The following EYS variants were observed in gnomAD, a reference collection of about 807,000 sequenced individuals.
The protein encoded by EYS is protein eyes shut homolog.
In EYS, 250 loss-of-function variants were observed where a neutral mutation model predicts 282.1. The observed-to-expected ratio is 0.89, with a 90% CI of 0.80 to 0.98. EYS has a LOEUF of 0.98. EYS is among the 50% of genes least tolerant of loss of function. EYS has a pLI of 0.00. For synonymous variants in EYS, 1,355 were observed against 1,282.9 expected, an observed-to-expected ratio of 1.06 and a Z score of -1.20; for missense variants, 4,016 against 3,709.0, an observed-to-expected ratio of 1.08 and a Z score of -2.15.
chr6:65,623,302 GA>G (rs1205268954), intron 2 of EYS, among the ~76,000 whole-genome samples: 1 of 152,096 alleles, frequency 6.6e-6, no homozygotes, highest in Non-Finnish European at 1.5e-5. Flanking sequence ...GAACTAACAT[GA>G]AAAACATTTT....
chr6:65,638,232 C>A (rs925957802), intron 2 of EYS, among the ~76,000 whole-genome samples: 5 of 152,148 alleles, frequency 3.3e-5, no homozygotes, highest in Admixed American at 1.3e-4. Flanking sequence ...CAGAAAGGAG[C>A]GATCCACTAG....
intron 31 of EYS, among the ~76,000 whole-genome samples, chr6:64,096,756 A>G (rs1772632450): frequency 6.6e-6 from 1 of 152,180 alleles, no homozygotes; most frequent in African/African-American, 2.4e-5. Flanking sequence ...TCAATTCGTC[A>G]AAGTCATTCT....
intron 22 of EYS, among the ~76,000 whole-genome samples, chr6:64,755,878 A>C (rs1198557935): frequency 6.6e-6 from 1 of 152,114 alleles, no homozygotes; most frequent in African/African-American, 2.4e-5. Flanking sequence ...TGCACTTGTA[A>C]CCCTTAAATC....
chr6:64,688,023 T>C (rs1160286357), intron 22 of EYS, among the ~76,000 whole-genome samples: 3 of 152,186 alleles, frequency 2.0e-5, no homozygotes, highest in African/African-American at 4.8e-5. Context: ...GAGGTGTTTA[T>C]AGTATTCTCT....
chr6:65,087,011 T>C (rs1033125159), intron 12 of EYS, among the ~76,000 whole-genome samples: 1 of 152,006 alleles, frequency 6.6e-6, no homozygotes, highest in African/African-American at 2.4e-5. Flanking sequence ...TTAGTAGATA[T>C]GGGGTTTCAC....
At chr6:63,987,928 G>A (rs1482455) in intron 34 of EYS, among the ~76,000 whole-genome samples, 57,312 of 151,250 alleles carry the variant, frequency 0.38, 11,145 homozygotes, top group African/African-American at 0.46. Flanking sequence ...TCCATGACCC[G>A]TAACAGGTCA....
chr6:64,739,506 A>G (rs1772296253), intron 22 of EYS, among the ~76,000 whole-genome samples: 1 of 152,184 alleles, frequency 6.6e-6, no homozygotes, highest in South Asian at 2.1e-4. Flanking sequence ...TTATTACCAG[A>G]AAGATCTGTT....
chr6:65,029,368 C>A (rs897493214), intron 13 of EYS, among the ~76,000 whole-genome samples: 1 of 152,036 alleles, frequency 6.6e-6, no homozygotes, highest in Admixed American at 6.6e-5. Context: ...GATATACATA[C>A]ATTTATATGC....
chr6:64,411,228 TTA>T (rs1332454804), intron 28 of EYS, among the ~76,000 whole-genome samples: 8 of 152,080 alleles, frequency 5.3e-5, no homozygotes, highest in Admixed American at 2.0e-4. Flanking sequence ...ATGGTTTATA[TTA>T]GAAGTTAGAG....
At chr6:64,920,188 C>T (rs1166665602) in intron 15 of EYS, among the ~76,000 whole-genome samples, 1 of 151,638 alleles carries the variant, frequency 6.6e-6, no homozygotes, top group Non-Finnish European at 1.5e-5. Flanking sequence ...AGCCCTAAGA[C>T]ATTTATGTTG....
intron 31 of EYS, among the ~76,000 whole-genome samples, chr6:64,096,686 A>G (rs563433760): frequency 1.3e-5 from 2 of 152,080 alleles, no homozygotes; most frequent in Non-Finnish European, 2.9e-5. Context: ...CTTCTTTGCC[A>G]TGGGTTCAAA....
At chr6:65,019,466 G>C (rs140472982) in intron 13 of EYS, among the ~76,000 whole-genome samples, 2 of 152,066 alleles carry the variant, frequency 1.3e-5, no homozygotes, top group Non-Finnish European at 2.9e-5. Flanking sequence ...AAGTAGACAC[G>C]TGATCTTAGG....
intron 16 of EYS, among the ~76,000 whole-genome samples, chr6:64,905,636 A>G (rs1767804754): frequency 6.6e-6 from 1 of 152,200 alleles, no homozygotes; most frequent in Non-Finnish European, 1.5e-5. Flanking sequence ...TAAGATCTGC[A>G]TCAGTCTGGA....
At chr6:64,752,528 G>A (rs1562171634) in intron 22 of EYS, among the ~76,000 whole-genome samples, 1 of 152,122 alleles carries the variant, frequency 6.6e-6, no homozygotes, top group Admixed American at 6.6e-5. Flanking sequence ...CCAATCTTAT[G>A]AGTCATAGGT....
chr6:63,937,010 A>AT (rs1385948210), intron 35 of EYS, among the ~76,000 whole-genome samples: 1 of 152,230 alleles, frequency 6.6e-6, no homozygotes, highest in African/African-American at 2.4e-5. Context: ...AAAAAGAGAG[A>AT]TTAGTGCTGC....
chr6:65,476,514 A>G (rs954908705), intron 5 of EYS, among the ~76,000 whole-genome samples: 1 of 152,204 alleles, frequency 6.6e-6, no homozygotes, highest in South Asian at 2.1e-4. Context: ...TTCAAAATAT[A>G]TTAATTATTT....
At chr6:64,057,211 A>C (rs2149848320) in intron 33 of EYS, among the ~76,000 whole-genome samples, 1 of 152,308 alleles carries the variant, frequency 6.6e-6, no homozygotes, top group South Asian at 2.1e-4. Flanking sequence ...AAAAGCATTA[A>C]ATTACTCTTA....
At chr6:64,147,035 A>T (rs1774542571) in intron 31 of EYS, among the ~76,000 whole-genome samples, 1 of 152,184 alleles carries the variant, frequency 6.6e-6, no homozygotes, top group Admixed American at 6.6e-5. Flanking sequence ...TTCACTTTCC[A>T]CCACATCACA....
At chr6:64,728,330 T>A (rs1025955810) in intron 22 of EYS, among the ~76,000 whole-genome samples, 1 of 152,126 alleles carries the variant, frequency 6.6e-6, no homozygotes, top group Admixed American at 6.5e-5. Context: ...TTTCTTCTCT[T>A]TTTATTTATT....
Sources: allele counts gnomAD v4.1 joint callset (sites outside exome capture counted in the v4.1 genomes callset), GRCh38; gene constraint gnomAD v4.1.1; transcripts MANE v1.5; gene names NCBI Gene and HGNC (gene_info 2026-07-23, HGNC 2026-07-21).